ADAMTS6: variants seen among roughly 807,000 people sequenced by gnomAD.
The protein encoded by ADAMTS6 is A disintegrin and metalloproteinase with thrombospondin motifs 6.
A neutral mutation model predicts 144.3 loss-of-function variants in ADAMTS6; 23 were observed. The ratio of observed to expected loss-of-function variants is 0.16; its 90% confidence interval spans 0.11 to 0.23. The LOEUF (loss-of-function observed/expected upper bound fraction) is 0.23, where lower values mean the gene tolerates loss of function less well. ADAMTS6 is among the 10% of genes least tolerant of loss of function. The pLI is 1.00. For synonymous variants in ADAMTS6, 444 were observed against 457.5 expected (o/e 0.97, Z 0.38); for missense variants, 999 against 1,379.6 (o/e 0.72, Z 4.37).
At chr5:65,258,264 A>C (rs1345505220) in intron 14 of ADAMTS6, among the ~76,000 whole-genome samples, 1 of 152,148 alleles carries the variant, frequency 6.6e-6, no homozygotes, top group African/African-American at 2.4e-5. Context: ...AGAGTTAACC[A>C]CACAGATATT....
intron 18 of ADAMTS6, among the ~76,000 whole-genome samples, chr5:65,219,165 C>A (rs1321875875): frequency 2.0e-5 from 3 of 152,126 alleles, no homozygotes; most frequent in Non-Finnish European, 2.9e-5. Flanking sequence ...TATAAATGAT[C>A]TAAACAAGAA....
intron 3 of ADAMTS6, among the ~76,000 whole-genome samples, chr5:65,463,529 T>A (rs1759780039): frequency 6.6e-6 from 1 of 152,158 alleles, no homozygotes; most frequent in Non-Finnish European, 1.5e-5. Flanking sequence ...TACCTCAGTA[T>A]CCCCATTCAC....
At chr5:65,260,012 C>T (rs1180227826) in intron 14 of ADAMTS6, among the ~76,000 whole-genome samples, 1 of 152,034 alleles carries the variant, frequency 6.6e-6, no homozygotes, top group East Asian at 1.9e-4. Flanking sequence ...AAAAGCCTAC[C>T]CAGTTTGAAG....
intron 20 of ADAMTS6, among the ~76,000 whole-genome samples, chr5:65,203,006 T>C (rs1051298121): frequency 1.4e-4 from 21 of 152,202 alleles, no homozygotes; most frequent in Admixed American, 3.3e-4. Flanking sequence ...TTTCCACCAA[T>C]TCTCTCTCCC....
chr5:65,242,213 T>C lies in ADAMTS6; in HGVS notation c.1831-7A>G. On this transcript the variant is annotated splice_polypyrimidine_tract_variant and splice_region_variant and intron_variant, in intron 14 of 24. Transcript: ENST00000381055. ...GGGAACCCAAAGGGCATGGCTAAAA[T>C]AAAATAAAATCATAAATGGTACCAT... is the stretch of plus-strand genomic sequence containing the variant. 1 of 1,585,838 alleles carries C rather than the reference T, an allele frequency of 6.3e-7. No homozygotes were observed. The highest frequency in any genetic ancestry group is 8.6e-7 in the Non-Finnish European group (1 of 1,162,788).
intron 12 of ADAMTS6, among the ~76,000 whole-genome samples, chr5:65,266,212 C>G (rs1467892470): frequency 6.6e-6 from 1 of 151,856 alleles, no homozygotes; most frequent in Admixed American, 6.6e-5. Flanking sequence ...AGAAAAGTCA[C>G]ATGAACTAAA....
intron 7 of ADAMTS6, among the ~76,000 whole-genome samples, chr5:65,359,574 T>C (rs1203237212): frequency 1.3e-5 from 2 of 152,176 alleles, no homozygotes; most frequent in Non-Finnish European, 2.9e-5. Context: ...GTCAATTCAC[T>C]GTGGCATTAT....
intron 7 of ADAMTS6, among the ~76,000 whole-genome samples, chr5:65,343,422 T>C (rs1349860228): frequency 6.6e-6 from 1 of 151,946 alleles, no homozygotes; most frequent in Non-Finnish European, 1.5e-5. Context: ...TTGACAAAGG[T>C]GCCAAGAACA....
intron 24 of ADAMTS6, among the ~76,000 whole-genome samples, chr5:65,162,313 C>T (rs1752824920): frequency 6.6e-6 from 1 of 152,174 alleles, no homozygotes; most frequent in South Asian, 2.1e-4. Flanking sequence ...AAAGGCAGTT[C>T]TTTCAGCAAT....
chr5:65,161,885 T>C (rs1158012891), intron 24 of ADAMTS6, among the ~76,000 whole-genome samples: 1 of 152,248 alleles, frequency 6.6e-6, no homozygotes, highest in Non-Finnish European at 1.5e-5. Context: ...TTGACAGCTT[T>C]AGATAATAAT....
At chr5:65,177,906 T>A (rs1754081261) in intron 22 of ADAMTS6, among the ~76,000 whole-genome samples, 1 of 151,936 alleles carries the variant, frequency 6.6e-6, no homozygotes, top group Non-Finnish European at 1.5e-5. Flanking sequence ...CAACCTGGAG[T>A]AATAAGTCGT....
At chr5:65,254,051 C>T (rs1580196972) in intron 14 of ADAMTS6, among the ~76,000 whole-genome samples, 1 of 151,430 alleles carries the variant, frequency 6.6e-6, no homozygotes, top group Non-Finnish European at 1.5e-5. Flanking sequence ...CACCATGTTG[C>T]CCAGGCTGGT....
intron 7 of ADAMTS6, among the ~76,000 whole-genome samples, chr5:65,352,509 T>C (rs1748951325): frequency 6.6e-6 from 1 of 152,092 alleles, no homozygotes. Flanking sequence ...TATACTATAA[T>C]ACTTCGGTAA....
intron 24 of ADAMTS6, among the ~76,000 whole-genome samples, chr5:65,152,679 C>A (rs367799081): frequency 1.3e-3 from 199 of 152,318 alleles, no homozygotes; most frequent in African/African-American, 4.6e-3. Flanking sequence ...ATAAATGATT[C>A]TTTCTCCATC....
intron 15 of ADAMTS6, among the ~76,000 whole-genome samples, chr5:65,239,152 G>C (rs1758941703): frequency 6.6e-6 from 1 of 151,658 alleles, no homozygotes; most frequent in South Asian, 2.1e-4. Flanking sequence ...AGCATTAGGA[G>C]ATATACCTAA....
chr5:65,248,978 G>C (rs1561327748), intron 14 of ADAMTS6, among the ~76,000 whole-genome samples: 1 of 151,770 alleles, frequency 6.6e-6, no homozygotes, highest in Non-Finnish European at 1.5e-5. Flanking sequence ...TTCATATTAA[G>C]AAAGATTACC....
intron 15 of ADAMTS6, among the ~76,000 whole-genome samples, chr5:65,233,915 C>G (rs1234393271): frequency 6.6e-6 from 1 of 151,828 alleles, no homozygotes; most frequent in Non-Finnish European, 1.5e-5. Flanking sequence ...CAGTATAGTA[C>G]TTTATTAAAA....
intron 7 of ADAMTS6, among the ~76,000 whole-genome samples, chr5:65,383,391 G>C (rs766897832): frequency 9.9e-5 from 15 of 152,278 alleles, no homozygotes; most frequent in Non-Finnish European, 1.3e-4. Context: ...TGGTGGGTCA[G>C]GCATAGGATA....
At chr5:65,261,025 C>A (rs1239738808) in intron 13 of ADAMTS6, among the ~76,000 whole-genome samples, 2 of 151,932 alleles carry the variant, frequency 1.3e-5, no homozygotes, top group African/African-American at 4.8e-5. Flanking sequence ...CCATTTAAAT[C>A]ATATTCAACA....
Sources: gnomAD v4.1 joint callset for allele counts (sites outside exome capture counted in the v4.1 genomes callset) on GRCh38, gnomAD v4.1.1 for gene constraint, MANE v1.5 for transcripts, NCBI Gene and HGNC (gene_info 2026-07-23, HGNC 2026-07-21) for gene names.